The following FARS2 variants were observed in gnomAD, a reference collection of about 807,000 sequenced individuals.
The protein encoded by FARS2 is phenylalanine--tRNA ligase, mitochondrial.
A neutral mutation model predicts 46.4 loss-of-function variants in FARS2; 40 were observed. That is an observed-to-expected ratio of 0.86 (90% CI 0.67 to 1.12). The LOEUF (loss-of-function observed/expected upper bound fraction) is 1.12, where lower values mean the gene tolerates loss of function less well. FARS2 is among the 50% of genes most tolerant of loss of function. The pLI is 0.00. For missense variants in FARS2, 513 were observed against 567.9 expected, an observed-to-expected ratio of 0.90 and a Z score of 0.98; for synonymous variants, 234 against 214.9, an observed-to-expected ratio of 1.09 and a Z score of -0.78.
chr6:5,516,826 A>G (rs1207968716), intron 4 of FARS2, among the ~76,000 whole-genome samples: 2 of 152,152 alleles, frequency 1.3e-5, no homozygotes, highest in South Asian at 2.1e-4. Context: ...AACCCCCCCA[A>G]TTTAAGTTTT....
intron 6 of FARS2, among the ~76,000 whole-genome samples, chr6:5,688,830 C>T (rs1465550920): frequency 2.6e-5 from 4 of 152,122 alleles, no homozygotes; most frequent in African/African-American, 9.7e-5. Flanking sequence ...CCATCTGGTC[C>T]TGGACTTTTT....
intron 6 of FARS2, among the ~76,000 whole-genome samples, chr6:5,697,739 AT>A (rs1758191180): frequency 6.6e-6 from 1 of 152,238 alleles, no homozygotes; most frequent in Non-Finnish European, 1.5e-5. Flanking sequence ...CCTGTTTTGC[AT>A]TCATTTGCAG....
chr6:5,389,734 A>G (rs966702176), intron 2 of FARS2, among the ~76,000 whole-genome samples: 6 of 152,214 alleles, frequency 3.9e-5, no homozygotes, highest in African/African-American at 7.2e-5. Context: ...TAATGTTACA[A>G]TGGAAAAATG....
chr6:5,667,151 T>A (rs1778169596), intron 6 of FARS2, among the ~76,000 whole-genome samples: 1 of 152,168 alleles, frequency 6.6e-6, no homozygotes, highest in Non-Finnish European at 1.5e-5. Flanking sequence ...CAAACCCCCA[T>A]GACACAAGTT....
chr6:5,437,004 C>G (rs1027497702), intron 4 of FARS2, among the ~76,000 whole-genome samples: 1 of 152,168 alleles, frequency 6.6e-6, no homozygotes, highest in Admixed American at 6.5e-5. Flanking sequence ...TCACCACAAT[C>G]AAGATGATAA....
At chr6:5,536,864 C>G (rs1052028277) in intron 4 of FARS2, among the ~76,000 whole-genome samples, 29 of 152,192 alleles carry the variant, frequency 1.9e-4, no homozygotes, top group African/African-American at 7.0e-4. Flanking sequence ...CACTTAAACA[C>G]CACTTGCCTT....
At chr6:5,485,563 G>A (rs950759383) in intron 4 of FARS2, among the ~76,000 whole-genome samples, 2 of 152,020 alleles carry the variant, frequency 1.3e-5, no homozygotes, top group Admixed American at 6.6e-5. Flanking sequence ...CTCTCAGGCC[G>A]GGGGCCGCAG....
chr6:5,645,174 T>C (rs888329551), intron 6 of FARS2, among the ~76,000 whole-genome samples: 18 of 152,202 alleles, frequency 1.2e-4, no homozygotes, highest in Non-Finnish European at 2.2e-4. Flanking sequence ...TTGGAAACAG[T>C]ACACAGAATG....
At chr6:5,407,992 A>G (rs1761713501) in intron 3 of FARS2, among the ~76,000 whole-genome samples, 1 of 152,186 alleles carries the variant, frequency 6.6e-6, no homozygotes, top group South Asian at 2.1e-4. Flanking sequence ...GAATTTTTCC[A>G]TTGCCAAACT....
At chr6:5,485,853 T>G (rs1385085553) in intron 4 of FARS2, among the ~76,000 whole-genome samples, 1 of 152,174 alleles carries the variant, frequency 6.6e-6, no homozygotes, top group East Asian at 1.9e-4. Context: ...TTCAGTTCCT[T>G]GGCTGGCCAC....
At chr6:5,444,483 AAAAAAAAAAAGAG>A (rs1329726845) in intron 4 of FARS2, among the ~76,000 whole-genome samples, 62 of 93,140 alleles carry the variant, frequency 6.7e-4, no homozygotes, top group Non-Finnish European at 1.1e-3. Flanking sequence ...AAAAAAAAAA[AAAAAAAAAAAGAG>A]AGAGAGAGAG....
At chr6:5,466,318 T>C (rs913582706) in intron 4 of FARS2, among the ~76,000 whole-genome samples, 3 of 152,186 alleles carry the variant, frequency 2.0e-5, no homozygotes, top group African/African-American at 7.2e-5. Context: ...GAAACCTTTA[T>C]TTGTATTTCT....
rs145697325 is a variant in FARS2, at chr6:5,771,340, C to T, written c.1267C>T (p.Arg423Trp). 37 of 1,613,986 alleles carry T rather than the reference C, an allele frequency of 2.3e-5. No homozygotes were observed. The highest frequency in any genetic ancestry group is 1.8e-4 in the East Asian group (8 of 44,894). Residue 423 changes from arginine (R) to tryptophan (W), a missense_variant, in exon 7 of 7, where the codon CGG becomes TGG. Physicochemically the swap from Arg to Trp is moderately radical, Grantham distance 101 (BLOSUM62 -3). Coordinates refer to ENST00000274680, the MANE Select transcript of FARS2 (RefSeq NM_006567.5). ...CYRITYRHME[R>W]TLSQREVRHI... ...CCGCATCACGTACCGCCACATGGAACGGACTCTGTCCCAGAGAGAGGTCAG... is the reference window on the plus strand; with the variant it reads ...CCGCATCACGTACCGCCACATGGAATGGACTCTGTCCCAGAGAGAGGTCAG...
At chr6:5,652,471 C>T (rs1337679160) in intron 6 of FARS2, among the ~76,000 whole-genome samples, 2 of 152,234 alleles carry the variant, frequency 1.3e-5, no homozygotes, top group Non-Finnish European at 2.9e-5. Flanking sequence ...CCTAGGAACT[C>T]GGTAAATGTT....
At chr6:5,321,843 G>T (rs909853356) in intron 1 of FARS2, among the ~76,000 whole-genome samples, 1 of 152,170 alleles carries the variant, frequency 6.6e-6, no homozygotes, top group East Asian at 1.9e-4. Flanking sequence ...CTTTAGTAAA[G>T]ATTAACTAGA....
rs568620686 is a variant in FARS2, at chr6:5,574,556, A to G, written c.1065+29216A>G. Among the ~76,000 whole-genome samples the G allele has an allele frequency of 2.3e-4, 35 of 152,302 alleles. No homozygotes were observed. The South Asian group carries it at 6.8e-3, about 30-fold the overall frequency. On this transcript the variant is annotated intron_variant, in intron 5 of 6. Coordinates refer to ENST00000274680, the MANE Select transcript of FARS2 (RefSeq NM_006567.5). ...TAAAAGAAATACTTTGTGGCAATGA[A>G]AAAAATACCCTTTACTCAGATTTTG...
intron 5 of FARS2, among the ~76,000 whole-genome samples, chr6:5,585,439 T>A (rs578247034): frequency 2.6e-4 from 40 of 152,254 alleles, no homozygotes; most frequent in African/African-American, 9.4e-4. Flanking sequence ...ATCTTATAAC[T>A]AGAAGTATGT....
chr6:5,320,735 A>G (rs549241948), intron 1 of FARS2, among the ~76,000 whole-genome samples: 2 of 152,296 alleles, frequency 1.3e-5, no homozygotes, highest in Admixed American at 1.3e-4. Context: ...AGCTGCTGTA[A>G]TGGCAGCAGC....
intron 1 of FARS2, among the ~76,000 whole-genome samples, chr6:5,323,942 C>T (rs1409912982): frequency 6.6e-6 from 1 of 152,180 alleles, no homozygotes; most frequent in Admixed American, 6.5e-5. Context: ...AAGATAACCT[C>T]CCTCCAGCCG....
Sources: allele counts gnomAD v4.1 joint callset (sites outside exome capture counted in the v4.1 genomes callset), GRCh38; gene constraint gnomAD v4.1.1; transcripts MANE v1.5; gene names NCBI Gene and HGNC (gene_info 2026-07-23, HGNC 2026-07-21).